TEP1: variants seen among roughly 807,000 people sequenced by gnomAD.
TEP1 encodes telomerase associated protein 1.
TEP1 carries 241 observed loss-of-function variants against 306.3 expected under a neutral mutation model. The observed-to-expected ratio is 0.79, with a 90% CI of 0.71 to 0.88. The LOEUF (loss-of-function observed/expected upper bound fraction) is 0.88, where lower values mean the gene tolerates loss of function less well. Ranked by LOEUF, TEP1 falls within the 40% of genes least tolerant of loss-of-function variation. TEP1 has a pLI of 0.00. For missense variants in TEP1, 3,051 were observed against 3,276.1 expected (o/e 0.93, Z 1.68); for synonymous variants, 1,289 against 1,305.5 (o/e 0.99, Z 0.27).
chr14:20,379,549 A>T (rs961953984), intron 35 of TEP1, among the ~76,000 whole-genome samples: 1 of 152,230 alleles, frequency 6.6e-6, no homozygotes, highest in African/African-American at 2.4e-5. Context: ...TTCAAACAAG[A>T]GTGCCTGCCC....
intron 39 of TEP1, 98 bp downstream of exon 39, chr14:20,377,926 C>T: frequency 6.6e-7 from 1 of 1,512,862 alleles, no homozygotes; most frequent in Non-Finnish European, 9.1e-7. Context: ...CCAAGCTCCT[C>T]CACAGTCTCC....
intron 15 of TEP1, 51 bp downstream of exon 15, chr14:20,390,630 G>T (rs754492413): frequency 1.9e-6 from 3 of 1,550,180 alleles, no homozygotes; most frequent in Admixed American, 3.3e-5. Context: ...TATATCAGTT[G>T]CAGAGGAAAA....
In TEP1 at chr14:20,401,013, T is replaced by C. The variant is rs755877374; in HGVS notation, c.1520A>G (p.Asn507Ser). ...GAGTTCCTCCCAGACCGACGCTTTG[T>C]TCCCCCGTAGGCTCAGCTCCCGCTC... is the stretch of plus-strand genomic sequence containing the variant. ...TWERELSLRG[N>S]KASVWEELIE... Residue 507 changes from asparagine to serine, a missense_variant, in exon 9 of 55, where the codon AAC becomes AGC. By Grantham distance (46) the Asn-to-Ser change is conservative. Transcript: ENST00000262715. 3.7e-6 allele frequency: 6 copies of C among 1,614,108 alleles called. No homozygotes were observed. Among genetic ancestry groups the C allele is most frequent in the East Asian group, 2.2e-5 (1 of 44,900 alleles).
At position 20,382,208 on chromosome 14, in the gene TEP1, C is replaced by A; in HGVS notation, c.4273+16G>T. On this transcript the variant is annotated intron_variant, in intron 29 of 54. Transcript: ENST00000262715. ...CTGGCCCTCAGCCTCCCAACCAACC[C>A]ACCCCAAGCACTGACCACTCCGTGT... 1 of 1,614,114 alleles carries A rather than the reference C, an allele frequency of 6.2e-7. No homozygotes were observed. The highest frequency in any genetic ancestry group is 8.5e-7 in the Non-Finnish European group (1 of 1,180,006).
In TEP1 at chr14:20,391,735, C is replaced by T. The variant is rs907840832; in HGVS notation, c.1961G>A (p.Arg654Lys). ...AGCTGTCTCTAGGGCCTGTCGGTAC[C>T]TGTTCAGCATCTCACCATCATATTT... is the stretch of plus-strand genomic sequence containing the variant. ...QWKYDGEMLN[R>K]YRQALETAVN... is the part of the protein sequence containing the mutation. The change falls in exon 13 of 55, where the codon AGG (arginine) becomes AAG (lysine). Residue 654 changes from arginine (R) to lysine (K), a missense_variant. Arg to Lys is a conservative substitution (Grantham distance 26). Around this residue, in one of 3 missense-constraint regions of TEP1, gnomAD observed 1,507 missense variants for 1,550.5 expected, o/e 0.97. Transcript: ENST00000262715. 9 of 1,614,060 alleles carry T rather than the reference C, an allele frequency of 5.6e-6. No individual in the cohort carries two copies. In the African/African-American group the frequency reaches 1.2e-4, roughly 22 times the overall value.
Position 20,373,295 on chromosome 14 carries a change from C to T in TEP1, c.6789G>A (p.Arg2263=). ...CTGCTTCCTTAGGAACCTGCCAGAG[C>T]CGTACAGAACCATCCTCAGAGGCGG... ...MLTASEDGSV[R]LWQVPKEADD... Residue 2263 remains arginine, a synonymous_variant, in exon 47 of 55, where the codon CGG becomes CGA. Coordinates refer to ENST00000262715, the MANE Select transcript of TEP1 (RefSeq NM_007110.5). The T allele has an allele frequency of 6.2e-7, 1 of 1,614,200 alleles. No individual in the cohort carries two copies.
chr14:20,381,799 A>G lies in TEP1; in HGVS notation c.4425-113T>C. On this transcript the variant is annotated intron_variant, in intron 30 of 54. Coordinates refer to ENST00000262715, the MANE Select transcript of TEP1 (RefSeq NM_007110.5). This position sits in a 1 kb window ranked among gnomAD's most constrained non-coding sequence, Gnocchi z 4.0. ...AAATAGCGGAAACTGGAGCAGCTGGAGCAGTAGCTCATTCATGGTCTGGGA... is the reference window on the plus strand; with the variant it reads ...AAATAGCGGAAACTGGAGCAGCTGGGGCAGTAGCTCATTCATGGTCTGGGA... 2 of 1,537,936 alleles carry G rather than the reference A, an allele frequency of 1.3e-6. No individual in the cohort carries two copies. The highest frequency in any genetic ancestry group is 4.5e-5 in the East Asian group (2 of 44,342).
Position 20,389,274 on chromosome 14 carries a change from T to G in TEP1, c.2489A>C (p.Asp830Ala). Reference protein sequence around the residue: ...QYLSTDLNPNDVTLSGCTDAI... With the variant: ...QYLSTDLNPNAVTLSGCTDAI... ...ATCAGTACAGCCTGAGAGTGTCACATCATTGGGATTCAAATCTGTTGACCT... is the reference window on the plus strand; with the variant it reads ...ATCAGTACAGCCTGAGAGTGTCACAGCATTGGGATTCAAATCTGTTGACCT... Residue 830 changes from aspartate to alanine, a missense_variant, in exon 17 of 55, where the codon GAT (aspartate) becomes GCT (alanine). Physicochemically the swap from Asp to Ala is moderately radical, Grantham distance 126. Transcript: ENST00000262715. The G allele has an allele frequency of 6.2e-7, 1 of 1,614,132 alleles. No individual in the cohort carries two copies. Among genetic ancestry groups the G allele is most frequent in the Non-Finnish European group, 8.5e-7 (1 of 1,180,020 alleles).
At position 20,378,235 on chromosome 14, in the gene TEP1, T is replaced by C; in HGVS notation, c.5510A>G (p.Asp1837Gly). ...FQVDGLKVTK[D>G]LGAPGASIRT... ...GATAGAGGCTCCGGGTGCCCCCAGG[T>C]CCTACACAGGGAGGTAGAAATGGAA... is the stretch of plus-strand genomic sequence containing the variant. The change falls in exon 39 of 55, where the codon GAC (aspartate) becomes GGC (glycine). Residue 1837 changes from aspartate to glycine, a missense_variant and splice_region_variant. This residue lies in a region of TEP1 where 1,540 missense variants were observed against 1,705.9 expected (regional missense o/e 0.90). Transcript: ENST00000262715. 6.2e-7 allele frequency: 1 copy of C among 1,613,100 alleles called. No individual in the cohort carries two copies. The highest frequency in any genetic ancestry group is 8.5e-7 in the Non-Finnish European group (1 of 1,179,902).
rs1876638827 is a variant in TEP1, at chr14:20,382,289, A to G, written c.4208T>C (p.Leu1403Pro). The G allele has an allele frequency of 1.2e-6, 2 of 1,614,054 alleles. No individual in the cohort carries two copies. Among genetic ancestry groups the G allele is most frequent in the East Asian group, 4.5e-5 (2 of 44,872 alleles). The change falls in exon 29 of 55, where the codon CTG becomes CCG. Residue 1403 changes from leucine (L) to proline (P), a missense_variant. Physicochemically the swap from Leu to Pro is moderately conservative, Grantham distance 98. This residue lies in a region of TEP1 where 1,540 missense variants were observed against 1,705.9 expected (regional missense o/e 0.90). Coordinates refer to ENST00000262715, the MANE Select transcript of TEP1 (RefSeq NM_007110.5). ...PLLLQHILSTLEKEHGPDVLP... is the reference protein window; with the variant it reads ...PLLLQHILSTPEKEHGPDVLP... ...GACATCAGGCCCGTGCTCCTTCTCC[A>G]GTGTGCTCAGGATGTGCTGCAGCAG...
rs542769602 is a variant in TEP1, at chr14:20,368,785, CA to C, written c.7761+12del. 15 of 1,563,744 alleles carry C rather than the reference CA, an allele frequency of 9.6e-6. No individual in the cohort carries two copies. The highest frequency in any genetic ancestry group is 1.2e-5 in the Non-Finnish European group (14 of 1,136,528). On this transcript the variant is annotated intron_variant, in intron 54 of 54. Transcript: ENST00000262715. ...GCACGCACACACACACACACACACA[CA>C]CACACACTTACCAGCTGCATACTGG...
In TEP1 at chr14:20,366,046, C is replaced by T. The variant is rs905368302; in HGVS notation, c.*2391G>A. 1.3e-5 allele frequency: 2 copies of T among 152,184 alleles called. No individual in the cohort carries two copies. Among genetic ancestry groups the T allele is most frequent in the African/African-American group, 4.8e-5 (2 of 41,434 alleles). The allele number at this position is 152,184 out of a possible 1,614,324, so 9.4% of individuals were successfully genotyped here. On this transcript the variant is annotated 3_prime_UTR_variant, in exon 55 of 55. Transcript: ENST00000262715. ...TTTAATGTAAACCTAAATTGATTTT[C>T]CCTTCAACTCCTTTTGGGTACATAA...
At chr14:20,400,497 C>CAAAAAAAAAAAA (rs71108598) in intron 9 of TEP1, among the ~76,000 whole-genome samples, 5 of 85,488 alleles carry the variant, frequency 5.8e-5, no homozygotes, top group Non-Finnish European at 1.0e-4. Flanking sequence ...AAAAGTAGAC[C>CAAAAAAAAAAAA]AAAAAAAAAA....
intron 12 of TEP1, among the ~76,000 whole-genome samples, chr14:20,393,399 T>C (rs1877900223): frequency 6.6e-6 from 1 of 152,250 alleles, no homozygotes. Flanking sequence ...AGAATTCAAT[T>C]ACAATTAAAT....
At chr14:20,372,962 G>C (rs1884940115) in intron 48 of TEP1, 49 bp downstream of exon 48, 3 of 1,613,534 alleles carry the variant, frequency 1.9e-6, no homozygotes, top group African/African-American at 1.3e-5. Flanking sequence ...TAAATACACA[G>C]CCAGGGTAGA....
Position 20,380,214 on chromosome 14 carries a change from G to T in TEP1, c.5003+21C>A, listed in dbSNP as rs770139350. 6 of 1,609,018 alleles carry T rather than the reference G, an allele frequency of 3.7e-6. No individual in the cohort carries two copies. In the African/African-American group the frequency reaches 6.7e-5, roughly 18 times the overall value. ...GCTTGCTCTCTGGTGGGCTTACTAGGGTCTGGGGTCAAGGTCTTACCTTTG... is the reference window on the plus strand; with the variant it reads ...GCTTGCTCTCTGGTGGGCTTACTAGTGTCTGGGGTCAAGGTCTTACCTTTG... On this transcript the variant is annotated intron_variant, in intron 34 of 54. Coordinates refer to ENST00000262715, the MANE Select transcript of TEP1 (RefSeq NM_007110.5).
chr14:20,399,380 A>G (rs910563299), intron 9 of TEP1, among the ~76,000 whole-genome samples: 2 of 152,166 alleles, frequency 1.3e-5, no homozygotes, highest in African/African-American at 4.8e-5. Context: ...AATAAACTGG[A>G]CATTTATCCT....
intron 6 of TEP1, 79 bp downstream of exon 6, chr14:20,403,644 C>G (rs1238603083): frequency 6.2e-7 from 1 of 1,602,820 alleles, no homozygotes; most frequent in African/African-American, 1.3e-5. Flanking sequence ...GTGTGGGACT[C>G]CCCAGCATCA....
At chr14:20,396,807 T>G in intron 9 of TEP1, 77 bp from the exon 10 acceptor site, 1 of 1,009,084 alleles carries the variant, frequency 9.9e-7, no homozygotes, top group Non-Finnish European at 1.5e-6. Flanking sequence ...TAATCTCAGC[T>G]ACCAAGGAGG....
Sources: gnomAD v4.1 joint callset for allele counts (sites outside exome capture counted in the v4.1 genomes callset) on GRCh38, gnomAD v4.1.1 for gene constraint, gnomAD v4.1.1 regional missense constraint, Gnocchi (gnomAD v3.1) non-coding constraint, MANE v1.5 for transcripts, NCBI Gene and HGNC (gene_info 2026-07-23, HGNC 2026-07-21) for gene names.